The following GALNTL6 variants were observed in gnomAD, a reference collection of about 807,000 sequenced individuals.
GALNTL6 encodes polypeptide N-acetylgalactosaminyltransferase-like 6.
GALNTL6 carries 46 observed loss-of-function variants against 73.7 expected under a neutral mutation model. That is an observed-to-expected ratio of 0.62 (90% confidence interval 0.49 to 0.80). GALNTL6 has a LOEUF of 0.80. Ranked by LOEUF, GALNTL6 falls within the 30% of genes least tolerant of loss-of-function variation. The pLI is 0.00. For missense variants in GALNTL6, 604 were observed against 755.0 expected (o/e 0.80, Z 2.34); for synonymous variants, 259 against 263.7 (o/e 0.98, Z 0.17).
chr4:172,651,899 C>G (rs185186148), intron 5 of GALNTL6, among the ~76,000 whole-genome samples: 106 of 152,282 alleles, frequency 7.0e-4, no homozygotes, highest in Non-Finnish European at 1.3e-3. Flanking sequence ...CAATCTGCAA[C>G]TCCGAATTCA....
At chr4:172,899,753 C>T (rs1056211303) in intron 8 of GALNTL6, among the ~76,000 whole-genome samples, 16 of 152,188 alleles carry the variant, frequency 1.1e-4, no homozygotes, top group African/African-American at 3.9e-4. Context: ...GCCCCAAGGT[C>T]TGCTGGTTGC....
intron 5 of GALNTL6, among the ~76,000 whole-genome samples, chr4:172,463,618 G>A (rs535537085): frequency 6.6e-6 from 1 of 152,228 alleles, no homozygotes; most frequent in African/African-American, 2.4e-5. Context: ...GTCCTTCACC[G>A]AATTAGAGAG....
chr4:172,298,462 C>A lies in GALNTL6; in HGVS notation c.248-13152C>A, dbSNP rs1258524745. 3.3e-5 allele frequency among the ~76,000 whole-genome samples: 5 copies of A among 152,220 alleles called. No homozygotes were observed. The East Asian group carries it at 9.7e-4, about 29-fold the overall frequency. ...TCAAAAGGAATGCTTCCAGTTTTTG[C>A]CCATTCAGTATGATATTGGCTCTGG... is the stretch of plus-strand genomic sequence containing the variant. On this transcript the variant is annotated intron_variant, in intron 3 of 12. Transcript: ENST00000506823.
intron 2 of GALNTL6, among the ~76,000 whole-genome samples, chr4:171,900,433 A>C (rs1266924015): frequency 6.6e-6 from 1 of 151,372 alleles, no homozygotes; most frequent in African/African-American, 2.4e-5. Flanking sequence ...TCAGCTTCCC[A>C]AGTAGCTGGG....
At chr4:172,700,648 C>T (rs1308891874) in intron 5 of GALNTL6, among the ~76,000 whole-genome samples, 1 of 152,018 alleles carries the variant, frequency 6.6e-6, no homozygotes, top group East Asian at 1.9e-4. Flanking sequence ...CAAAGGAATA[C>T]AAAAAAGGTG....
At chr4:172,802,785 C>T (rs1213074478) in intron 5 of GALNTL6, among the ~76,000 whole-genome samples, 1 of 124,752 alleles carries the variant, frequency 8.0e-6, no homozygotes, top group East Asian at 2.6e-4. Context: ...AGTGAGACTC[C>T]GTCTCAAAAA....
At chr4:172,893,330 G>C (rs1172120016) in intron 8 of GALNTL6, among the ~76,000 whole-genome samples, 1 of 147,964 alleles carries the variant, frequency 6.8e-6, no homozygotes, top group Non-Finnish European at 1.5e-5. Flanking sequence ...ACTCTTCTAA[G>C]TGTTCTGAGA....
intron 7 of GALNTL6, among the ~76,000 whole-genome samples, chr4:172,839,398 C>A (rs564731145): frequency 6.6e-6 from 1 of 152,282 alleles, no homozygotes; most frequent in East Asian, 1.9e-4. Context: ...ATCACTATGA[C>A]CTTCTGCAAG....
intron 5 of GALNTL6, among the ~76,000 whole-genome samples, chr4:172,663,086 C>T (rs1429598678): frequency 1.3e-5 from 2 of 152,098 alleles, no homozygotes; most frequent in East Asian, 3.9e-4. Context: ...CAGCAGTAAA[C>T]ATGTGGAGGG....
At chr4:171,991,751 T>C (rs1404639646) in intron 2 of GALNTL6, among the ~76,000 whole-genome samples, 1,828 of 138,972 alleles carry the variant, frequency 0.013, 16 homozygotes, top group Non-Finnish European at 0.017. Context: ...TATATATATA[T>C]ATATACACAT....
At chr4:173,010,662 T>C (rs1752507556) in intron 11 of GALNTL6, among the ~76,000 whole-genome samples, 1 of 152,032 alleles carries the variant, frequency 6.6e-6, no homozygotes. Context: ...TGGCGCAATC[T>C]CGGCTCACTA....
chr4:172,998,461 A>C (rs978824532), intron 10 of GALNTL6, among the ~76,000 whole-genome samples: 10 of 152,174 alleles, frequency 6.6e-5, no homozygotes, highest in Non-Finnish European at 1.3e-4. Context: ...TGTTTATTTT[A>C]ATTCTGCTTT....
intron 5 of GALNTL6, among the ~76,000 whole-genome samples, chr4:172,516,488 T>C (rs1479653628): frequency 6.6e-6 from 1 of 152,202 alleles, no homozygotes; most frequent in African/African-American, 2.4e-5. Context: ...AACAAAATAA[T>C]CTTTTTCTTA....
At chr4:171,952,937 G>C (rs1738926916) in intron 2 of GALNTL6, among the ~76,000 whole-genome samples, 1 of 151,942 alleles carries the variant, frequency 6.6e-6, no homozygotes, top group Non-Finnish European at 1.5e-5. Context: ...TTAAATGCTA[G>C]AATTAATAAC....
chr4:172,707,222 T>C lies in GALNTL6; in HGVS notation c.554-102139T>C, dbSNP rs145156130. Among the ~76,000 whole-genome samples, 259 of 152,256 alleles carry C rather than the reference T, an allele frequency of 1.7e-3. 1 individual carries two copies. The highest frequency in any genetic ancestry group is 6.1e-3 in the African/African-American group (253 of 41,566). On this transcript the variant is annotated intron_variant, in intron 5 of 12. Coordinates refer to ENST00000506823, the MANE Select transcript of GALNTL6 (RefSeq NM_001034845.3). The stretch of plus-strand genomic sequence containing the variant: ...AGCCTCTGTTGTGAGTTTTAGAATA[T>C]TGTTTACGGTTTATTTAGATAGTAA...
intron 5 of GALNTL6, among the ~76,000 whole-genome samples, chr4:172,368,119 G>C (rs1742637361): frequency 6.6e-6 from 1 of 152,150 alleles, no homozygotes; most frequent in African/African-American, 2.4e-5. Context: ...AGTGGCTCAG[G>C]TCTGTAATCT....
chr4:172,926,195 G>C (rs1435422022), intron 8 of GALNTL6, among the ~76,000 whole-genome samples: 1 of 152,126 alleles, frequency 6.6e-6, no homozygotes, highest in Admixed American at 6.5e-5. Context: ...GAAAGACCAT[G>C]AGAGAGCTCT....
At chr4:172,736,304 A>C (rs777899973) in intron 5 of GALNTL6, among the ~76,000 whole-genome samples, 1 of 152,218 alleles carries the variant, frequency 6.6e-6, no homozygotes, top group Non-Finnish European at 1.5e-5. Context: ...CCCCCTGAGA[A>C]TACAATATTT....
chr4:172,522,526 C>T (rs1289612007), intron 5 of GALNTL6, among the ~76,000 whole-genome samples: 1 of 152,002 alleles, frequency 6.6e-6, no homozygotes, highest in Admixed American at 6.6e-5. Flanking sequence ...CAAAATTAGC[C>T]AGGTGTGGTG....
Sources: gnomAD v4.1 joint callset for allele counts (sites outside exome capture counted in the v4.1 genomes callset) on GRCh38, gnomAD v4.1.1 for gene constraint, MANE v1.5 for transcripts, NCBI Gene and HGNC (gene_info 2026-07-23, HGNC 2026-07-21) for gene names.